Variants in STPG2 observed in about 807,000 individuals in gnomAD.
STPG2 encodes sperm-tail PG-rich repeat-containing protein 2.
Under a neutral mutation model 54.2 loss-of-function variants are expected in STPG2, and 56 were observed. The observed-to-expected ratio is 1.03, with a 90% CI of 0.83 to 1.29. STPG2 has a LOEUF of 1.29. STPG2 is among the 50% of genes most tolerant of loss of function. The pLI is 0.00. For synonymous variants in STPG2, 200 were observed against 181.8 expected, an observed-to-expected ratio of 1.10 and a Z score of -0.81; for missense variants, 596 against 544.9, an observed-to-expected ratio of 1.09 and a Z score of -0.93.
intron 5 of STPG2, among the ~76,000 whole-genome samples, chr4:98,012,745 TCTGC>T (rs1237948501): frequency 6.6e-6 from 1 of 152,230 alleles, no homozygotes; most frequent in African/African-American, 2.4e-5. Flanking sequence ...GATTTGGCTC[TCTGC>T]CTATCTATTG....
intron 10 of STPG2, among the ~76,000 whole-genome samples, chr4:97,690,679 T>C (rs1723335855): frequency 6.6e-6 from 1 of 152,184 alleles, no homozygotes; most frequent in Non-Finnish European, 1.5e-5. Context: ...TGGTTGAATA[T>C]AGGTGCTATT....
chr4:97,571,001 A>C (rs1422394896), intron 10 of STPG2, among the ~76,000 whole-genome samples: 1 of 152,124 alleles, frequency 6.6e-6, no homozygotes, highest in Non-Finnish European at 1.5e-5. Context: ...TGGTTCCAAA[A>C]ACTTTCTACT....
rs958883540 is a variant in STPG2, at chr4:97,504,037, A to T, written c.462+208662T>A. Among the ~76,000 whole-genome samples, 228 of 144,618 alleles carry T rather than the reference A, an allele frequency of 1.6e-3. 1 individual carries two copies. The highest frequency in any genetic ancestry group is 2.0e-3 in the Non-Finnish European group (129 of 65,848). The allele number at this position is 144,618 out of a possible 152,430, so 94.9% of individuals were successfully genotyped here. A position where few individuals can be genotyped will look rare whatever the true frequency, so the allele number is the denominator to read the frequency against. On this transcript the variant is annotated intron_variant, in intron 4 of 4. Transcript: ENST00000522676. ...CATATAAACATATTTTTTATTTTTA[A>T]TTTATTTTTATTTAAATATTTTATT... is the stretch of plus-strand genomic sequence containing the variant.
At chr4:97,773,853 T>C (rs1456375673) in intron 9 of STPG2, among the ~76,000 whole-genome samples, 1 of 152,026 alleles carries the variant, frequency 6.6e-6, no homozygotes, top group East Asian at 1.9e-4. Flanking sequence ...AAATAAACTA[T>C]TAAAAATATC....
chr4:97,800,897 C>T (rs1354133871), intron 9 of STPG2, among the ~76,000 whole-genome samples: 1 of 152,206 alleles, frequency 6.6e-6, no homozygotes, highest in African/African-American at 2.4e-5. Flanking sequence ...ACCCCTCCCC[C>T]AGCCTCGCTG....
chr4:97,828,517 T>A (rs899820184), intron 9 of STPG2, among the ~76,000 whole-genome samples: 10 of 151,708 alleles, frequency 6.6e-5, no homozygotes. Context: ...CATATCCCAA[T>A]GGCAACTGGA....
chr4:98,013,580 CTTTTTTTTTTTTTTTTTTTTT>C (rs34198207), intron 5 of STPG2, among the ~76,000 whole-genome samples: 9 of 74,586 alleles, frequency 1.2e-4, no homozygotes, highest in African/African-American at 4.7e-4. Flanking sequence ...TGGTCCTGGG[CTTTTTTTTTTTTTTTTTTTTT>C]TTTTTTTTGG....
At chr4:97,848,393 C>T (rs1021903537) in intron 8 of STPG2, among the ~76,000 whole-genome samples, 1 of 152,124 alleles carries the variant, frequency 6.6e-6, no homozygotes, top group African/African-American at 2.4e-5. Context: ...AAAATTTCCT[C>T]AGATAAGATT....
At chr4:97,643,481 T>C (rs913455355) in intron 10 of STPG2, among the ~76,000 whole-genome samples, 1 of 151,738 alleles carries the variant, frequency 6.6e-6, no homozygotes, top group South Asian at 2.1e-4. Flanking sequence ...GATACTCTTA[T>C]GGCATCATAG....
intron 10 of STPG2, among the ~76,000 whole-genome samples, chr4:97,630,874 G>A (rs1334467606): frequency 6.6e-6 from 1 of 151,628 alleles, no homozygotes; most frequent in Non-Finnish European, 1.5e-5. Flanking sequence ...CCAGTTAATA[G>A]ACTACATGAT....
At chr4:97,857,298 C>T (rs2865943) in intron 8 of STPG2, among the ~76,000 whole-genome samples, 93,667 of 151,854 alleles carry the variant, frequency 0.62, 30,189 homozygotes, top group African/African-American at 0.82. Flanking sequence ...TGGGCTTTTT[C>T]TTGGTTGGTA....
At chr4:98,057,822 A>G (rs928183062) in intron 5 of STPG2, among the ~76,000 whole-genome samples, 7 of 152,238 alleles carry the variant, frequency 4.6e-5, no homozygotes, top group African/African-American at 1.7e-4. Flanking sequence ...CAGGTCATCT[A>G]CAAAGGGAAG....
chr4:97,763,645 G>T (rs907145413), intron 9 of STPG2, among the ~76,000 whole-genome samples: 2 of 152,050 alleles, frequency 1.3e-5, no homozygotes, highest in African/African-American at 2.4e-5. Flanking sequence ...TTGGGGTCTT[G>T]TTCCCCTAAT....
At chr4:97,773,347 T>A (rs904395628) in intron 9 of STPG2, among the ~76,000 whole-genome samples, 4 of 152,054 alleles carry the variant, frequency 2.6e-5, no homozygotes, top group Non-Finnish European at 5.9e-5. Flanking sequence ...ACAGACAGGG[T>A]CTTATTCTGT....
chr4:97,820,959 C>T (rs1442399567), intron 9 of STPG2, among the ~76,000 whole-genome samples: 1 of 152,088 alleles, frequency 6.6e-6, no homozygotes, highest in Non-Finnish European at 1.5e-5. Flanking sequence ...TCGCCCTCTG[C>T]CCCCCAAATC....
chr4:97,585,533 A>G (rs1267989431), intron 10 of STPG2, among the ~76,000 whole-genome samples: 1 of 151,980 alleles, frequency 6.6e-6, no homozygotes, highest in Non-Finnish European at 1.5e-5. Flanking sequence ...GCCAAAGTGT[A>G]TTGGTAGAGA....
intron 4 of STPG2, among the ~76,000 whole-genome samples, chr4:97,488,778 G>A (rs1002696544): frequency 1.3e-5 from 2 of 151,712 alleles, no homozygotes; most frequent in Non-Finnish European, 1.5e-5. Context: ...CACTCACATT[G>A]CAATAACTAG....
intron 8 of STPG2, among the ~76,000 whole-genome samples, chr4:97,939,443 T>C (rs1167965073): frequency 6.6e-6 from 1 of 152,228 alleles, no homozygotes; most frequent in Non-Finnish European, 1.5e-5. Flanking sequence ...CTGTGTCTCT[T>C]TGTAGGTCTC....
At chr4:97,930,671 G>A (rs947510289) in intron 8 of STPG2, among the ~76,000 whole-genome samples, 1 of 151,982 alleles carries the variant, frequency 6.6e-6, no homozygotes, top group Non-Finnish European at 1.5e-5. Context: ...GCTCTTTTTT[G>A]GTTCCATATG....
Sources: gnomAD v4.1 joint callset for allele counts (sites outside exome capture counted in the v4.1 genomes callset) on GRCh38, gnomAD v4.1.1 for gene constraint, MANE v1.5 for transcripts, NCBI Gene and HGNC (gene_info 2026-07-23, HGNC 2026-07-21) for gene names.